CSMD3: variants seen among roughly 807,000 people sequenced by gnomAD.
CSMD3 encodes CUB and Sushi multiple domains 3, also known as CUB and sushi domain-containing protein 3.
In CSMD3, 177 loss-of-function variants were observed where a neutral mutation model predicts 435.2. That is an observed-to-expected ratio of 0.41 (90% CI 0.36 to 0.46). The LOEUF (loss-of-function observed/expected upper bound fraction) is 0.46, where lower values mean the gene tolerates loss of function less well. CSMD3 is among the 20% of genes least tolerant of loss of function. The pLI is 0.34. For synonymous variants in CSMD3, 1,656 were observed against 1,520.5 expected, an observed-to-expected ratio of 1.09 and a Z score of -2.07; for missense variants, 4,265 against 4,504.6, an observed-to-expected ratio of 0.95 and a Z score of 1.52.
At chr8:112,478,078 C>T (rs1005153795) in intron 31 of CSMD3, among the ~76,000 whole-genome samples, 1 of 152,164 alleles carries the variant, frequency 6.6e-6, no homozygotes, top group Non-Finnish European at 1.5e-5. Context: ...TGCAGCCGTC[C>T]ACGTAAAATG....
At chr8:113,171,887 ACT>A (rs554782767) in intron 4 of CSMD3, among the ~76,000 whole-genome samples, 1 of 152,188 alleles carries the variant, frequency 6.6e-6, no homozygotes, top group Non-Finnish European at 1.5e-5. Flanking sequence ...GCAAAGGATA[ACT>A]CTGCTTACAG....
chr8:112,549,337 C>G (rs2131181152), intron 27 of CSMD3, among the ~76,000 whole-genome samples: 1 of 151,850 alleles, frequency 6.6e-6, no homozygotes, highest in African/African-American at 2.4e-5. Context: ...TTATATTCAC[C>G]TATTATATGA....
At chr8:112,406,500 G>T in intron 35 of CSMD3, 24 bp downstream of exon 35, 1 of 1,516,670 alleles carries the variant, frequency 6.6e-7, no homozygotes, top group Non-Finnish European at 9.1e-7. Context: ...TATAATCACA[G>T]ATCATACAAA....
chr8:113,247,780 A>C (rs1441071763), intron 3 of CSMD3, among the ~76,000 whole-genome samples: 2 of 152,148 alleles, frequency 1.3e-5, no homozygotes, highest in Admixed American at 6.6e-5. Flanking sequence ...GCATATTATG[A>C]ATATACCTTC....
chr8:113,272,690 A>G (rs2093538482), intron 3 of CSMD3, among the ~76,000 whole-genome samples: 1 of 152,216 alleles, frequency 6.6e-6, no homozygotes, highest in Non-Finnish European at 1.5e-5. Context: ...CAGCATTAAA[A>G]TGGACTAATA....
At chr8:113,435,579 G>C (rs904665162) in intron 1 of CSMD3, among the ~76,000 whole-genome samples, 1 of 151,872 alleles carries the variant, frequency 6.6e-6, no homozygotes, top group Non-Finnish European at 1.5e-5. Context: ...GCCCTGGCGC[G>C]CCTGGGCCAA....
chr8:112,442,007 G>A (rs1288283784), intron 32 of CSMD3, among the ~76,000 whole-genome samples: 1 of 152,192 alleles, frequency 6.6e-6, no homozygotes, highest in Admixed American at 6.5e-5. Flanking sequence ...AGGAATACCT[G>A]AGACTGGGTA....
chr8:112,637,173 T>C (rs4433178), intron 21 of CSMD3, among the ~76,000 whole-genome samples, 168 bp from the exon 22 acceptor site: 12,867 of 152,242 alleles, frequency 0.085, 617 homozygotes, highest in East Asian at 0.13. Context: ...TACGTTTCTT[T>C]TTCTGTGAAA....
At chr8:112,940,426 A>G (rs929372622) in intron 9 of CSMD3, among the ~76,000 whole-genome samples, 3 of 151,768 alleles carry the variant, frequency 2.0e-5, no homozygotes, top group African/African-American at 4.8e-5. Flanking sequence ...AAAGGCATCA[A>G]TTAAGGCCTT....
At chr8:113,223,341 C>A (rs764997502) in intron 3 of CSMD3, among the ~76,000 whole-genome samples, 1 of 150,312 alleles carries the variant, frequency 6.7e-6, no homozygotes, top group East Asian at 2.0e-4. Context: ...TAATATGTCA[C>A]CAAGTGCAAG....
At position 112,263,633 on chromosome 8, in the gene CSMD3, A is replaced by G. The variant is rs753012940; in HGVS notation, c.9862+6T>C. On this transcript the variant is annotated splice_donor_region_variant and intron_variant, in intron 61 of 70. Transcript: ENST00000297405. ...AGTAACAGTTGTTAGTAGAAATCAT[A>G]CTTACGTAAGCACTGCGGTACTTCA... 6.2e-7 allele frequency: 1 copy of G among 1,612,350 alleles called. No homozygotes were observed. Among genetic ancestry groups the G allele is most frequent in the Non-Finnish European group, 8.5e-7 (1 of 1,178,932 alleles).
At chr8:113,284,750 T>C (rs1208465602) in intron 2 of CSMD3, among the ~76,000 whole-genome samples, 8 of 152,210 alleles carry the variant, frequency 5.3e-5, no homozygotes, top group Non-Finnish European at 1.0e-4. Flanking sequence ...TTATTTGTAC[T>C]GGTTTTGATA....
At chr8:112,797,394 C>A (rs1199207641) in intron 13 of CSMD3, among the ~76,000 whole-genome samples, 2 of 151,722 alleles carry the variant, frequency 1.3e-5, no homozygotes, top group Non-Finnish European at 2.9e-5. Flanking sequence ...AATTATATTT[C>A]CTTTAAAATA....
chr8:112,814,081 T>C (rs953513977), intron 12 of CSMD3, among the ~76,000 whole-genome samples: 2 of 152,188 alleles, frequency 1.3e-5, no homozygotes, highest in African/African-American at 4.8e-5. Flanking sequence ...CACAGAGTGA[T>C]TGCCTGATGT....
intron 17 of CSMD3, among the ~76,000 whole-genome samples, chr8:112,657,476 G>C (rs1293378353): frequency 2.0e-5 from 3 of 152,026 alleles, no homozygotes; most frequent in African/African-American, 7.2e-5. Flanking sequence ...TTAGATTTTT[G>C]GTTGTTCTGC....
chr8:112,996,193 C>G (rs1504347), intron 6 of CSMD3, among the ~76,000 whole-genome samples: 99,925 of 151,074 alleles, frequency 0.66, 34,352 homozygotes, highest in East Asian at 0.95. Flanking sequence ...TTGTATAATA[C>G]ATCTCTTGAA....
intron 5 of CSMD3, among the ~76,000 whole-genome samples, chr8:113,025,003 T>C (rs1048995221): frequency 6.7e-6 from 1 of 150,290 alleles, no homozygotes; most frequent in Non-Finnish European, 1.5e-5. Flanking sequence ...CTCTGAGTTG[T>C]TTCACTTGAG....
In CSMD3 at chr8:113,208,356, C is replaced by G. The variant is rs185358531; in HGVS notation, c.515-34440G>C. Among the ~76,000 whole-genome samples, 289 of 152,212 alleles carry G rather than the reference C, an allele frequency of 1.9e-3. 3 individuals carry two copies. Among genetic ancestry groups the G allele is most frequent in the Non-Finnish European group, 2.4e-3 (161 of 68,004 alleles). On this transcript the variant is annotated intron_variant, in intron 3 of 70. Coordinates refer to ENST00000297405, the MANE Select transcript of CSMD3 (RefSeq NM_198123.2). ...CAATGTGACCCAAGGCAAGTTTCTT[C>G]TCACTGCATTTCAGTATCCTCTTCC...
intron 41 of CSMD3, among the ~76,000 whole-genome samples, chr8:112,345,678 A>G (rs146587742): frequency 1.1e-4 from 16 of 152,274 alleles, no homozygotes; most frequent in African/African-American, 3.6e-4. Context: ...AGTTATTAAC[A>G]ACATATTGCG....
Sources: gnomAD v4.1 joint callset for allele counts (sites outside exome capture counted in the v4.1 genomes callset) on GRCh38, gnomAD v4.1.1 for gene constraint, MANE v1.5 for transcripts, NCBI Gene and HGNC (gene_info 2026-07-23, HGNC 2026-07-21) for gene names.